Variants in FAT1 observed in about 807,000 individuals in gnomAD.
FAT1 encodes the protein FAT atypical cadherin 1.
A neutral mutation model predicts 329.8 loss-of-function variants in FAT1; 171 were observed. The observed-to-expected ratio is 0.52, with a 90% CI of 0.46 to 0.59. The LOEUF (loss-of-function observed/expected upper bound fraction) is 0.59, where lower values mean the gene tolerates loss of function less well. Ranked by LOEUF, FAT1 falls within the 20% of genes least tolerant of loss-of-function variation. FAT1 has a pLI of 0.00. For missense variants in FAT1, 5,672 were observed against 5,774.4 expected (o/e 0.98, Z 0.57); for synonymous variants, 2,233 against 2,228.6 (o/e 1.00, Z -0.06).
Position 186,597,980 on chromosome 4 carries a change from A to G in FAT1, c.12249T>C (p.Thr4083=). Residue 4083 remains threonine (T), a synonymous_variant, in exon 23 of 27, where the codon ACT becomes ACC. Transcript: ENST00000441802. ...GFVCQCRGLY[T]GQRCQLSPYC... is the part of the protein sequence containing the mutation. ...AAGAAAAATACACATACCTCTGACC[A>G]GTATATAATCCTCTACACTGGCAAA... is the stretch of plus-strand genomic sequence containing the variant. 6.2e-7 allele frequency: 1 copy of G among 1,607,390 alleles called. No homozygotes were observed. The highest frequency in any genetic ancestry group is 8.5e-7 in the Non-Finnish European group (1 of 1,178,070).
In FAT1 at chr4:186,620,004, G is replaced by A. The variant is rs2126511449; in HGVS notation, c.6582C>T (p.Ser2194=). The change falls in exon 10 of 27, where the codon AGC becomes AGT. Residue 2194 remains serine, a synonymous_variant. Transcript: ENST00000441802. ...GGACCACAGGGCTGTGCACCTGGAT[G>A]CTCTCTGCAATCTCTGCACTGTAGA... The part of the protein sequence containing the change: ...KPFYSAEIAE[S]IQVHSPVVHV... The A allele has an allele frequency of 6.2e-7, 1 of 1,614,008 alleles. No individual in the cohort carries two copies. Among genetic ancestry groups the A allele is most frequent in the Non-Finnish European group, 8.5e-7 (1 of 1,179,898 alleles).
chr4:186,638,270 G>C (rs529760161), intron 4 of FAT1, among the ~76,000 whole-genome samples: 3 of 152,266 alleles, frequency 2.0e-5, no homozygotes, highest in Admixed American at 2.0e-4. Context: ...TCTGGTATCT[G>C]CTTCCACCTA....
intron 26 of FAT1, among the ~76,000 whole-genome samples, chr4:186,592,079 C>T (rs1738267504): frequency 2.0e-5 from 3 of 152,294 alleles, no homozygotes; most frequent in East Asian, 3.9e-4. Context: ...ATTCACATTA[C>T]AGTTTGAAAA....
At chr4:186,617,439 T>C (rs1247559288) in intron 10 of FAT1, among the ~76,000 whole-genome samples, 1 of 152,202 alleles carries the variant, frequency 6.6e-6, no homozygotes, top group African/African-American at 2.4e-5. Flanking sequence ...CTATAGATGT[T>C]TTTAATTATA....
intron 2 of FAT1, among the ~76,000 whole-genome samples, chr4:186,668,885 G>A (rs1340712664): frequency 6.6e-6 from 1 of 152,022 alleles, no homozygotes; most frequent in Non-Finnish European, 1.5e-5. Context: ...TCAAACTGTG[G>A]TCACTCTCAA....
intron 3 of FAT1, among the ~76,000 whole-genome samples, chr4:186,645,966 T>TACAC (rs1307077094): frequency 0.061 from 4,892 of 80,412 alleles, 315 homozygotes; most frequent in Non-Finnish European, 0.08. Flanking sequence ...AAAAAAAATA[T>TACAC]ATACACACAC....
intron 1 of FAT1, among the ~76,000 whole-genome samples, chr4:186,722,596 C>T (rs1209852921): frequency 1.3e-5 from 2 of 152,126 alleles, no homozygotes; most frequent in Non-Finnish European, 2.9e-5. Context: ...TTCAAACGTC[C>T]CTGTAACAAC....
At chr4:186,614,926 A>G (rs908156649) in intron 11 of FAT1, among the ~76,000 whole-genome samples, 9 of 100,900 alleles carry the variant, frequency 8.9e-5, no homozygotes, top group African/African-American at 6.4e-4. Context: ...ATCTGCCCTC[A>G]TGCTCAAACA....
rs1405935688 is a variant in FAT1 at position 186,618,992 on chromosome 4, C to G, written c.7594G>C (p.Val2532Leu). The G allele has an allele frequency of 6.2e-7, 1 of 1,613,986 alleles. No homozygotes were observed. Among genetic ancestry groups the G allele is most frequent in the Non-Finnish European group, 8.5e-7 (1 of 1,179,900 alleles). Residue 2532 changes from valine to leucine, a missense_variant, in exon 10 of 27, where the codon GTA (valine) becomes CTA (leucine). Val to Leu is a conservative substitution (Grantham distance 32). Transcript: ENST00000441802. The stretch of plus-strand genomic sequence containing the variant: ...AATCTGTCTTTGGCAAAGTCATTTA[C>G]AATATGGTAAGTAACGTGACCATAA... Reference protein sequence around the residue: ...GIYGHVTYHIVNDFAKDRFYI... With the variant: ...GIYGHVTYHILNDFAKDRFYI...
intron 22 of FAT1, chr4:186,598,394 C>T: frequency 3.1e-6 from 1 of 324,652 alleles, no homozygotes. Context: ...GAGGAAAATA[C>T]AGTTCTTTAC....
intron 6 of FAT1, among the ~76,000 whole-genome samples, chr4:186,634,828 C>T (rs1194744492): frequency 2.6e-5 from 4 of 152,196 alleles, no homozygotes; most frequent in East Asian, 1.9e-4. Context: ...AAGAAGCAAG[C>T]GCGCATGGAA....
rs2126617135 is a variant in FAT1, at chr4:186,663,391, G to A, written c.3488C>T (p.Ala1163Val). ...ATTAGAGCTCGAATCTGGATCAAATGCCTCGATCTGGACCACAGATACATC... is the reference window on the plus strand; with the variant it reads ...ATTAGAGCTCGAATCTGGATCAAATACCTCGATCTGGACCACAGATACATC... ...PKDVSVVQIE[A>V]FDPDSSSNDK... Residue 1163 changes from alanine to valine, a missense_variant, in exon 3 of 27, where the codon GCA (alanine) becomes GTA (valine). By Grantham distance (64) the Ala-to-Val change is moderately conservative (BLOSUM62 0). This residue lies in a region of FAT1 where 3,966 missense variants were observed against 3,915.2 expected (regional missense o/e 1.01). Coordinates refer to ENST00000441802, the MANE Select transcript of FAT1 (RefSeq NM_005245.4). 1 of 1,613,980 alleles carries A rather than the reference G, an allele frequency of 6.2e-7. No homozygotes were observed. Among genetic ancestry groups the A allele is most frequent in the Non-Finnish European group, 8.5e-7 (1 of 1,179,872 alleles).
chr4:186,705,884 A>C (rs1011122015), intron 2 of FAT1, among the ~76,000 whole-genome samples: 2 of 152,122 alleles, frequency 1.3e-5, no homozygotes, highest in Non-Finnish European at 2.9e-5. Flanking sequence ...CTCTCACTTA[A>C]ACCTTCCGGT....
At chr4:186,688,521 A>G (rs930237075) in intron 2 of FAT1, among the ~76,000 whole-genome samples, 7 of 152,032 alleles carry the variant, frequency 4.6e-5, no homozygotes, top group African/African-American at 1.7e-4. Context: ...GACCTAATCA[A>G]TAGGGTTCCA....
intron 1 of FAT1, among the ~76,000 whole-genome samples, chr4:186,722,627 A>G (rs1203337072): frequency 6.6e-6 from 1 of 152,212 alleles, no homozygotes; most frequent in Non-Finnish European, 1.5e-5. Flanking sequence ...GGACAGCATA[A>G]CCAAACTCAT....
At chr4:186,616,697 C>G (rs1261498213) in intron 11 of FAT1, among the ~76,000 whole-genome samples, 1 of 152,168 alleles carries the variant, frequency 6.6e-6, no homozygotes, top group Non-Finnish European at 1.5e-5. Context: ...GATCCTTCCC[C>G]CAAAACAGCT....
chr4:186,598,451 T>G (rs915431347), intron 22 of FAT1: 1 of 201,590 alleles, frequency 5.0e-6, no homozygotes, highest in Non-Finnish European at 9.9e-6. Context: ...TCTCAATTTA[T>G]TTGCAATTCA....
chr4:186,693,283 G>C (rs897260031), intron 2 of FAT1, among the ~76,000 whole-genome samples: 1 of 152,180 alleles, frequency 6.6e-6, no homozygotes, highest in African/African-American at 2.4e-5. Flanking sequence ...ACGCAATCGG[G>C]TAAAAGTGCC....
intron 2 of FAT1, among the ~76,000 whole-genome samples, chr4:186,673,863 C>T (rs1306465116): frequency 6.6e-6 from 1 of 152,126 alleles, no homozygotes; most frequent in Admixed American, 6.5e-5. Context: ...ACTTCCCTGT[C>T]AGAATCACTG....
Sources: gnomAD v4.1 joint callset for allele counts (sites outside exome capture counted in the v4.1 genomes callset) on GRCh38, gnomAD v4.1.1 for gene constraint, gnomAD v4.1.1 regional missense constraint, MANE v1.5 for transcripts, NCBI Gene and HGNC (gene_info 2026-07-23, HGNC 2026-07-21) for gene names.